The following MATN2 variants were observed in gnomAD, a reference collection of about 807,000 sequenced individuals.
The protein encoded by MATN2 is matrilin-2.
Under a neutral mutation model 103.2 loss-of-function variants are expected in MATN2, and 69 were observed. The observed-to-expected ratio is 0.67, with a 90% CI of 0.55 to 0.82. The LOEUF (loss-of-function observed/expected upper bound fraction) is 0.82, where lower values mean the gene tolerates loss of function less well. MATN2 is among the 40% of genes least tolerant of loss of function. The probability of loss-of-function intolerance (pLI) is 0.00; values close to 1 mark genes in which losing one functional copy is unlikely to be tolerated. For missense variants in MATN2, 1,023 were observed against 1,211.5 expected (o/e 0.84, Z 2.31); for synonymous variants, 429 against 450.2 (o/e 0.95, Z 0.60).
intron 2 of MATN2, among the ~76,000 whole-genome samples, chr8:97,901,726 C>T (rs1818990198): frequency 6.6e-6 from 1 of 152,180 alleles, no homozygotes; most frequent in African/African-American, 2.4e-5. Context: ...GGGTTTGGTA[C>T]AAATTCCACG....
chr8:98,020,884 T>C (rs1263132474), intron 12 of MATN2: 2 of 222,802 alleles, frequency 9.0e-6, no homozygotes, highest in Non-Finnish European at 1.8e-5. Flanking sequence ...TGAGAAATGT[T>C]CATTAGACAA....
intron 2 of MATN2, among the ~76,000 whole-genome samples, chr8:97,897,182 C>T (rs1003516243): frequency 3.3e-5 from 5 of 152,168 alleles, no homozygotes; most frequent in African/African-American, 1.2e-4. Flanking sequence ...TGGGTTGGAG[C>T]CTGATAAGTG....
chr8:97,885,971 C>G (rs74736172), intron 1 of MATN2, among the ~76,000 whole-genome samples: 2 of 152,112 alleles, frequency 1.3e-5, no homozygotes. Context: ...TATTTACAGC[C>G]GCTCCCCATC....
intron 2 of MATN2, among the ~76,000 whole-genome samples, chr8:97,897,430 A>G (rs1280669095): frequency 6.6e-6 from 1 of 152,224 alleles, no homozygotes; most frequent in Non-Finnish European, 1.5e-5. Context: ...CCAGCCTTAT[A>G]GGGAATTGGC....
chr8:98,002,699 G>T (rs976784236), intron 7 of MATN2, among the ~76,000 whole-genome samples: 1 of 152,152 alleles, frequency 6.6e-6, no homozygotes, highest in Non-Finnish European at 1.5e-5. Context: ...AAATGCTGGA[G>T]AATCCACAGG....
intron 15 of MATN2, among the ~76,000 whole-genome samples, chr8:98,030,921 C>A (rs1357688526): frequency 6.6e-6 from 1 of 152,116 alleles, no homozygotes; most frequent in Non-Finnish European, 1.5e-5. Flanking sequence ...CCACAGCCTC[C>A]CAAAGTGCTG....
chr8:98,030,326 TA>T, intron 14 of MATN2, 135 bp from the exon 15 acceptor site: 1 of 657,502 alleles, frequency 1.5e-6, no homozygotes. Context: ...GGTAGAAAAA[TA>T]AAAAGGAAGG....
chr8:97,995,557 A>G (rs907765852), intron 7 of MATN2, among the ~76,000 whole-genome samples: 2 of 152,074 alleles, frequency 1.3e-5, no homozygotes, highest in African/African-American at 4.8e-5. Flanking sequence ...CCATTGAGGG[A>G]TGTAATTTTC....
At chr8:97,945,705 GAAAAA>G (rs71303437) in intron 4 of MATN2, among the ~76,000 whole-genome samples, 1 of 119,852 alleles carries the variant, frequency 8.3e-6, no homozygotes. Context: ...ACACACTATA[GAAAAA>G]AAAAAAAATA....
intron 3 of MATN2, among the ~76,000 whole-genome samples, chr8:97,932,882 T>C (rs1403570534): frequency 1.3e-5 from 2 of 152,230 alleles, no homozygotes; most frequent in Admixed American, 1.3e-4. Context: ...AATATCTATT[T>C]GTAAAATGTA....
intron 2 of MATN2, among the ~76,000 whole-genome samples, chr8:97,920,301 A>G (rs185190007): frequency 2.1e-3 from 319 of 152,224 alleles, no homozygotes; most frequent in Non-Finnish European, 3.3e-3. Flanking sequence ...TCTGCTTTCC[A>G]TGTTCAAGTG....
intron 2 of MATN2, among the ~76,000 whole-genome samples, chr8:97,893,847 G>T (rs1586385410): frequency 6.6e-6 from 1 of 152,072 alleles, no homozygotes; most frequent in African/African-American, 2.4e-5. Context: ...CCGGCCCCCA[G>T]TGTATTCTTG....
intron 1 of MATN2, among the ~76,000 whole-genome samples, chr8:97,876,592 A>G (rs965253161): frequency 6.6e-6 from 1 of 152,162 alleles, no homozygotes. Flanking sequence ...CCAAAGTGCT[A>G]GCATTACAGG....
intron 5 of MATN2, among the ~76,000 whole-genome samples, chr8:97,977,141 C>A (rs970496296): frequency 3.6e-5 from 5 of 138,810 alleles, no homozygotes; most frequent in African/African-American, 1.3e-4. Flanking sequence ...ATGGCTGAGG[C>A]AGGAGGATCA....
At chr8:97,897,911 G>T (rs939477405) in intron 2 of MATN2, among the ~76,000 whole-genome samples, 17 of 152,152 alleles carry the variant, frequency 1.1e-4, no homozygotes, top group African/African-American at 4.1e-4. Flanking sequence ...AAAGTTAAAA[G>T]CTTTTCTAGG....
intron 7 of MATN2, 154 bp from the exon 8 acceptor site, chr8:98,003,506 TG>T: frequency 1.4e-6 from 1 of 729,450 alleles, no homozygotes; most frequent in Non-Finnish European, 2.2e-6. Flanking sequence ...GGCACTTGGC[TG>T]GCAGACAAAC....
At position 97,982,239 on chromosome 8, in the gene MATN2, G is replaced by C. The variant is rs1812052055; in HGVS notation, c.1081+3231G>C. ...AAGGCAAAAGCCCAGTCGTAAGAAT[G>C]AAACACTCAGGAGTGCTCCAGATCT... On this transcript the variant is annotated intron_variant, in intron 6 of 18. Coordinates refer to ENST00000254898, the MANE Select transcript of MATN2 (RefSeq NM_002380.5). This position sits in a 1 kb window ranked among gnomAD's most constrained non-coding sequence, Gnocchi z 4.3. Among the ~76,000 whole-genome samples, 2 of 152,224 alleles carry C rather than the reference G, an allele frequency of 1.3e-5. No individual in the cohort carries two copies. Among genetic ancestry groups the C allele is most frequent in the South Asian group, 4.1e-4 (2 of 4,826 alleles).
intron 8 of MATN2, among the ~76,000 whole-genome samples, chr8:98,006,232 G>T (rs576048315): frequency 2.0e-5 from 3 of 152,302 alleles, no homozygotes; most frequent in African/African-American, 7.2e-5. Flanking sequence ...TGGATGTCCT[G>T]ATAATGGGGG....
At chr8:97,943,393 C>T (rs1383255411) in intron 4 of MATN2, among the ~76,000 whole-genome samples, 1 of 148,706 alleles carries the variant, frequency 6.7e-6, no homozygotes, top group Non-Finnish European at 1.5e-5. Context: ...CTTTCTCCTT[C>T]TCCTTCTCTG....
Sources: allele counts gnomAD v4.1 joint callset (sites outside exome capture counted in the v4.1 genomes callset), GRCh38; gene constraint gnomAD v4.1.1; non-coding constraint Gnocchi (gnomAD v3.1); transcripts MANE v1.5; gene names NCBI Gene and HGNC (gene_info 2026-07-23, HGNC 2026-07-21).